TSC22D2: variants seen among roughly 807,000 people sequenced by gnomAD.
TSC22D2 encodes the protein TSC22 domain family member 2.
A neutral mutation model predicts 50.1 loss-of-function variants in TSC22D2; 5 were observed. That is an observed-to-expected ratio of 0.10 (90% CI 0.05 to 0.21). The LOEUF (loss-of-function observed/expected upper bound fraction) is 0.21, where lower values mean the gene tolerates loss of function less well. Among genes scored for constraint, TSC22D2 ranks in the 10% least tolerant of loss-of-function variants. TSC22D2 has a pLI of 1.00. For synonymous variants in TSC22D2, 501 were observed against 450.1 expected (o/e 1.11, Z -1.43); for missense variants, 1,003 against 1,015.5 (o/e 0.99, Z 0.17).
Position 150,450,215 on chromosome 3 carries a change from G to A in TSC22D2, c.1959-6861G>A, listed in dbSNP as rs141424962. 8.5e-3 allele frequency among the ~76,000 whole-genome samples: 1,299 copies of A among 152,096 alleles called. 13 individuals are homozygous for A. Among genetic ancestry groups the A allele is most frequent in the Non-Finnish European group, 0.011 (741 of 67,910 alleles). ...AAATATAAAATATGCTGAGGGCATT[G>A]GTGAACAAGGTTTTTGTAGAAGATG... On this transcript the variant is annotated intron_variant, in intron 1 of 2. Coordinates refer to ENST00000688009, the MANE Select transcript of TSC22D2 (RefSeq NM_001303264.2).
intron 1 of TSC22D2, among the ~76,000 whole-genome samples, chr3:150,413,686 T>C (rs1180129350): frequency 6.6e-6 from 1 of 151,856 alleles, no homozygotes; most frequent in East Asian, 1.9e-4. Flanking sequence ...GATGAGTACT[T>C]TTGAGGAGAC....
At chr3:150,448,120 A>C (rs1720938780) in intron 1 of TSC22D2, among the ~76,000 whole-genome samples, 1 of 152,142 alleles carries the variant, frequency 6.6e-6, no homozygotes, top group Non-Finnish European at 1.5e-5. Flanking sequence ...GGAAGGAAAT[A>C]ATCTTTTCAA....
intron 1 of TSC22D2, among the ~76,000 whole-genome samples, chr3:150,456,180 G>GTTTTTTTTTT (rs10603156): frequency 2.1e-5 from 3 of 140,810 alleles, no homozygotes; most frequent in Non-Finnish European, 4.6e-5. Context: ...GTTTCTTTTT[G>GTTTTTTTTTT]TTTTTTTTTT....
At chr3:150,433,374 G>C (rs111623638) in intron 1 of TSC22D2, among the ~76,000 whole-genome samples, 35 of 152,302 alleles carry the variant, frequency 2.3e-4, no homozygotes, top group African/African-American at 7.9e-4. Context: ...TGTAATTTCA[G>C]TATCAATGCT....
Position 150,410,238 on chromosome 3 carries a change from G to C in TSC22D2, c.888G>C (p.Pro296=). The change falls in exon 1 of 3, where the codon CCG becomes CCC. Residue 296 remains proline, a synonymous_variant. Transcript: ENST00000688009. ...AQSSAPLPPF[P]GAATGPQPMM... ...GCTCGGCTCCGCTGCCGCCGTTCCCGGGAGCCGCGACCGGGCCGCAGCCAA... is the reference window on the plus strand; with the variant it reads ...GCTCGGCTCCGCTGCCGCCGTTCCCCGGAGCCGCGACCGGGCCGCAGCCAA... 1 of 1,567,658 alleles carries C rather than the reference G, an allele frequency of 6.4e-7. No homozygotes were observed. The highest frequency in any genetic ancestry group is 8.6e-7 in the Non-Finnish European group (1 of 1,156,940).
chr3:150,457,008 A>T, intron 1 of TSC22D2, 68 bp from the exon 2 acceptor site: 1 of 1,373,530 alleles, frequency 7.3e-7, no homozygotes, highest in Non-Finnish European at 1.0e-6. Flanking sequence ...AATGTCTTTT[A>T]CATTCTTTTA....
intron 1 of TSC22D2, among the ~76,000 whole-genome samples, chr3:150,451,592 G>C (rs13066779): frequency 0.76 from 115,651 of 152,146 alleles, 44,353 homozygotes; most frequent in South Asian, 0.84. Flanking sequence ...CACAGTCTTA[G>C]TATTATGGAA....
rs945283046 is a variant in TSC22D2, at chr3:150,458,813, G to A, written c.*177G>A. 1.4e-5 allele frequency: 10 copies of A among 725,930 alleles called. No individual in the cohort carries two copies. The highest frequency in any genetic ancestry group is 3.1e-4 in the Middle Eastern group (1 of 3,188). The allele number at this position is 725,930 out of a possible 1,614,324, so 45.0% of individuals were successfully genotyped here. ...TCCTCTCTCTGAGATGTCATGCAGC[G>A]CTGTTGATGTCCAGTTCTATGTCAT... On this transcript the variant is annotated 3_prime_UTR_variant, in exon 3 of 3. Transcript: ENST00000688009.
Position 150,458,687 on chromosome 3 carries a change from G to C in TSC22D2, c.*51G>C. 2 of 1,597,002 alleles carry C rather than the reference G, an allele frequency of 1.3e-6. No homozygotes were observed. The highest frequency in any genetic ancestry group is 1.7e-6 in the Non-Finnish European group (2 of 1,171,726). On this transcript the variant is annotated 3_prime_UTR_variant, in exon 3 of 3. Coordinates refer to ENST00000688009, the MANE Select transcript of TSC22D2 (RefSeq NM_001303264.2). Reference sequence around the variant, plus strand: ...AAAACTGAAAGCAATCTATCCTTGTGTGCCACTGGTGTTCTTTCCACTTTA... The same window carrying C: ...AAAACTGAAAGCAATCTATCCTTGTCTGCCACTGGTGTTCTTTCCACTTTA...
intron 1 of TSC22D2, among the ~76,000 whole-genome samples, chr3:150,428,598 A>G (rs556232657): frequency 6.8e-6 from 1 of 146,864 alleles, no homozygotes; most frequent in African/African-American, 2.5e-5. Context: ...GTATAGTAAA[A>G]AAAAAAAAAA....
At chr3:150,428,878 C>A (rs62269060) in intron 1 of TSC22D2, among the ~76,000 whole-genome samples, 3 of 152,130 alleles carry the variant, frequency 2.0e-5, no homozygotes, top group Non-Finnish European at 4.4e-5. Context: ...AATGGTCTTG[C>A]CATCACTAGA....
chr3:150,412,002 TC>T (rs1719592759), intron 1 of TSC22D2, among the ~76,000 whole-genome samples: 1 of 152,206 alleles, frequency 6.6e-6, no homozygotes, highest in Non-Finnish European at 1.5e-5. Flanking sequence ...TTGAGATCGA[TC>T]CTTTAACTGT....
At chr3:150,426,072 G>A (rs1237946105) in intron 1 of TSC22D2, among the ~76,000 whole-genome samples, 3 of 152,126 alleles carry the variant, frequency 2.0e-5, no homozygotes, top group Non-Finnish European at 4.4e-5. Flanking sequence ...TTCTCTGTTT[G>A]CCATTTGCAG....
chr3:150,408,542 G>A lies in TSC22D2; in HGVS notation c.-809G>A, dbSNP rs1393081666. 6.6e-6 allele frequency: 1 copy of A among 151,924 alleles called. No individual in the cohort carries two copies. The highest frequency in any genetic ancestry group is 2.4e-5 in the African/African-American group (1 of 41,250). 9.4% of individuals were successfully genotyped at this position (151,924 alleles called of 1,614,324 possible). ...CGGTCTGCCGCCGCCGCCCCTCTCT[G>A]AGAGAAGCCGCGAGGGGAGGCCGAG... On this transcript the variant is annotated 5_prime_UTR_variant, in exon 1 of 3. Coordinates refer to ENST00000688009, the MANE Select transcript of TSC22D2 (RefSeq NM_001303264.2).
At chr3:150,434,089 A>G (rs1720460184) in intron 1 of TSC22D2, among the ~76,000 whole-genome samples, 1 of 152,052 alleles carries the variant, frequency 6.6e-6, no homozygotes, top group East Asian at 1.9e-4. Flanking sequence ...GTATAAATAA[A>G]TGTTCCATTT....
intron 1 of TSC22D2, among the ~76,000 whole-genome samples, chr3:150,419,786 G>A (rs1222122048): frequency 2.0e-5 from 3 of 152,136 alleles, no homozygotes; most frequent in Non-Finnish European, 2.9e-5. Context: ...AGAAAAGAAT[G>A]TATTTTGTTC....
At chr3:150,444,167 A>G (rs1445082047) in intron 1 of TSC22D2, among the ~76,000 whole-genome samples, 2 of 152,132 alleles carry the variant, frequency 1.3e-5, no homozygotes, top group East Asian at 3.9e-4. Context: ...GGAGAAAAAA[A>G]TTCTCGAGGT....
At chr3:150,429,153 AG>A (rs1166844682) in intron 1 of TSC22D2, among the ~76,000 whole-genome samples, 1 of 152,124 alleles carries the variant, frequency 6.6e-6, no homozygotes, top group Non-Finnish European at 1.5e-5. Context: ...ATTCCATGTC[AG>A]AGGCAGTAAA....
intron 1 of TSC22D2, among the ~76,000 whole-genome samples, chr3:150,425,740 T>C (rs560821568): frequency 6.6e-6 from 1 of 152,320 alleles, no homozygotes; most frequent in African/African-American, 2.4e-5. Context: ...AGTTTGATTT[T>C]GTCTAACTAG....
Sources: gnomAD v4.1 joint callset for allele counts (sites outside exome capture counted in the v4.1 genomes callset) on GRCh38, gnomAD v4.1.1 for gene constraint, MANE v1.5 for transcripts, NCBI Gene and HGNC (gene_info 2026-07-23, HGNC 2026-07-21) for gene names.